Variants in SLC16A12 observed in about 807,000 individuals in gnomAD.
The protein encoded by SLC16A12 is solute carrier family 16 member 12, also known as monocarboxylate transporter 12.
Under a neutral mutation model 42.4 loss-of-function variants are expected in SLC16A12, and 17 were observed. The observed-to-expected ratio is 0.40, with a 90% CI of 0.27 to 0.60. The LOEUF (loss-of-function observed/expected upper bound fraction) is 0.60, where lower values mean the gene tolerates loss of function less well. Among genes scored for constraint, SLC16A12 ranks in the 20% least tolerant of loss-of-function variants. SLC16A12 has a pLI of 0.42. For missense variants in SLC16A12, 544 were observed against 623.0 expected, an observed-to-expected ratio of 0.87 and a Z score of 1.35; for synonymous variants, 224 against 229.4, an observed-to-expected ratio of 0.98 and a Z score of 0.21.
intron 2 of SLC16A12, among the ~76,000 whole-genome samples, chr10:89,510,961 C>T (rs547303390): frequency 1.7e-3 from 264 of 152,218 alleles, no homozygotes; most frequent in African/African-American, 5.9e-3. Context: ...TTTATGCAGC[C>T]AACAAACTTA....
chr10:89,554,040 GAAAGAAAGAA>G (rs1564607076), intron 2 of SLC16A12, among the ~76,000 whole-genome samples: 1 of 45,430 alleles, frequency 2.2e-5, no homozygotes, highest in African/African-American at 9.6e-5. Flanking sequence ...AAGGAAGAAA[GAAAGAAAGAA>G]AGAAAGAAAG....
intron 2 of SLC16A12, among the ~76,000 whole-genome samples, chr10:89,466,993 G>A (rs914181462): frequency 6.6e-6 from 1 of 152,024 alleles, no homozygotes; most frequent in Non-Finnish European, 1.5e-5. Flanking sequence ...CTACACCTGT[G>A]ACAAACACAC....
At chr10:89,484,681 C>T (rs1488820940) in intron 2 of SLC16A12, among the ~76,000 whole-genome samples, 1 of 152,204 alleles carries the variant, frequency 6.6e-6, no homozygotes, top group African/African-American at 2.4e-5. Flanking sequence ...GTGCTCTTAA[C>T]CACTGCACTG....
chr10:89,500,030 A>G (rs1469130091), intron 2 of SLC16A12, among the ~76,000 whole-genome samples: 1 of 152,224 alleles, frequency 6.6e-6, no homozygotes, highest in Non-Finnish European at 1.5e-5. Flanking sequence ...CTTTATGGGC[A>G]TAAACTAGAA....
intron 2 of SLC16A12, among the ~76,000 whole-genome samples, chr10:89,514,051 G>A (rs1207332496): frequency 6.6e-6 from 1 of 152,192 alleles, no homozygotes; most frequent in Non-Finnish European, 1.5e-5. Flanking sequence ...CTAAAGAGCA[G>A]GGCTTCTCAG....
intron 3 of SLC16A12, among the ~76,000 whole-genome samples, chr10:89,451,842 AC>A (rs1344394386): frequency 1.3e-5 from 2 of 152,180 alleles, no homozygotes; most frequent in African/African-American, 4.8e-5. Flanking sequence ...TCCCATAAGC[AC>A]AGTGTTCTGC....
intron 3 of SLC16A12, among the ~76,000 whole-genome samples, chr10:89,458,909 A>T (rs754663437): frequency 6.6e-6 from 1 of 152,158 alleles, no homozygotes; most frequent in Non-Finnish European, 1.5e-5. Flanking sequence ...TTAACTTTTG[A>T]TCTTACTGGA....
intron 2 of SLC16A12, among the ~76,000 whole-genome samples, chr10:89,502,841 C>T (rs1843008043): frequency 1.3e-5 from 2 of 152,188 alleles, no homozygotes; most frequent in South Asian, 4.1e-4. Context: ...TTCATGTCAA[C>T]TAGGCTTCCA....
At chr10:89,522,805 A>G (rs1269535849) in intron 2 of SLC16A12, among the ~76,000 whole-genome samples, 1 of 152,166 alleles carries the variant, frequency 6.6e-6, no homozygotes, top group Non-Finnish European at 1.5e-5. Context: ...CCATCTTCAA[A>G]AGGTTGTGGA....
At chr10:89,492,502 G>A (rs967153840) in intron 2 of SLC16A12, among the ~76,000 whole-genome samples, 6 of 152,032 alleles carry the variant, frequency 3.9e-5, no homozygotes, top group African/African-American at 1.2e-4. Context: ...GGCTGAGGCG[G>A]GCGGATCACC....
intron 2 of SLC16A12, among the ~76,000 whole-genome samples, chr10:89,481,258 AT>A (rs1309523380): frequency 6.6e-6 from 1 of 152,166 alleles, no homozygotes; most frequent in Non-Finnish European, 1.5e-5. Flanking sequence ...CTCTTCCTGT[AT>A]TTTCTGAATT....
intron 3 of SLC16A12, among the ~76,000 whole-genome samples, chr10:89,448,999 G>A (rs1405016282): frequency 2.0e-5 from 3 of 152,050 alleles, no homozygotes; most frequent in East Asian, 1.9e-4. Context: ...AGTGAACTCC[G>A]ATTCACAATT....
At chr10:89,463,254 A>G (rs189432028) in intron 2 of SLC16A12, among the ~76,000 whole-genome samples, 104 of 152,310 alleles carry the variant, frequency 6.8e-4, no homozygotes, top group Non-Finnish European at 1.1e-3. Flanking sequence ...TATTATACGG[A>G]ATGAGTCTGA....
intron 3 of SLC16A12, 94 bp from the exon 4 acceptor site, chr10:89,443,953 T>C: frequency 1.3e-6 from 1 of 789,478 alleles, no homozygotes; most frequent in Non-Finnish European, 2.2e-6. Context: ...GCTGCTCCTG[T>C]TTCCAAGGGT....
intron 2 of SLC16A12, among the ~76,000 whole-genome samples, chr10:89,475,251 T>A (rs76619072): frequency 2.0e-5 from 3 of 152,190 alleles, no homozygotes; most frequent in Non-Finnish European, 4.4e-5. Context: ...AACATTTTTT[T>A]CTGCACAGCC....
chr10:89,521,305 A>G (rs566867380), intron 2 of SLC16A12, among the ~76,000 whole-genome samples: 1 of 152,320 alleles, frequency 6.6e-6, no homozygotes, highest in East Asian at 1.9e-4. Context: ...ACGTGCTACC[A>G]ACTACATTTT....
intron 2 of SLC16A12, 116 bp from the exon 3 acceptor site, chr10:89,462,740 A>G: frequency 8.5e-7 from 1 of 1,170,512 alleles, no homozygotes; most frequent in South Asian, 1.7e-5. Context: ...ATTTGTAACT[A>G]TGAATACTAG....
chr10:89,555,323 C>G (rs1843802933), intron 2 of SLC16A12, among the ~76,000 whole-genome samples: 1 of 151,416 alleles, frequency 6.6e-6, no homozygotes, highest in African/African-American at 2.4e-5. Flanking sequence ...ATAATTTTGT[C>G]TTATGTTACC....
intron 2 of SLC16A12, among the ~76,000 whole-genome samples, chr10:89,514,080 T>G (rs921583876): frequency 2.0e-5 from 3 of 152,212 alleles, no homozygotes; most frequent in African/African-American, 7.2e-5. Flanking sequence ...AGGTACCACC[T>G]GCTAAATGGC....
Sources: gnomAD v4.1 joint callset for allele counts (sites outside exome capture counted in the v4.1 genomes callset) on GRCh38, gnomAD v4.1.1 for gene constraint, MANE v1.5 for transcripts, NCBI Gene and HGNC (gene_info 2026-07-23, HGNC 2026-07-21) for gene names.